Variants in CNTN4 observed in about 807,000 individuals in gnomAD.
CNTN4 encodes contactin-4.
In CNTN4, 77 loss-of-function variants were observed where a neutral mutation model predicts 122.5. The ratio of observed to expected loss-of-function variants is 0.63; its 90% confidence interval spans 0.52 to 0.76. CNTN4 has a LOEUF of 0.76. CNTN4 is among the 30% of genes least tolerant of loss of function. The pLI, the probability that CNTN4 is intolerant of heterozygous loss-of-function variation, is 0.00. For synonymous variants in CNTN4, 512 were observed against 447.0 expected (o/e 1.15, Z -1.83); for missense variants, 1,256 against 1,259.1 (o/e 1.00, Z 0.04).
intron 3 of CNTN4, among the ~76,000 whole-genome samples, chr3:2,526,636 T>C (rs1286387135): frequency 6.6e-6 from 1 of 152,162 alleles, no homozygotes; most frequent in African/African-American, 2.4e-5. Context: ...AAACCAATCA[T>C]GTACTTTTTT....
intron 6 of CNTN4, among the ~76,000 whole-genome samples, chr3:2,774,294 A>G (rs1360084916): frequency 1.3e-5 from 2 of 151,578 alleles, no homozygotes; most frequent in African/African-American, 4.9e-5. Context: ...AAGAAAAGAT[A>G]TGTCAGCTGC....
At chr3:2,799,451 T>C (rs1335788710) in intron 6 of CNTN4, among the ~76,000 whole-genome samples, 6 of 152,170 alleles carry the variant, frequency 3.9e-5, no homozygotes, top group Non-Finnish European at 8.8e-5. Context: ...TCTTCTAGTA[T>C]TTTTACAGTT....
rs1044075953 is a variant in CNTN4, at chr3:2,951,321, A to G, written c.1358+25542A>G. 2.6e-5 allele frequency among the ~76,000 whole-genome samples: 4 copies of G among 152,176 alleles called. No individual in the cohort carries two copies. In the South Asian group the frequency reaches 8.3e-4, roughly 32 times the overall value. On this transcript the variant is annotated intron_variant, in intron 13 of 24. Coordinates refer to ENST00000418658, the MANE Select transcript of CNTN4 (RefSeq NM_175607.3). The stretch of plus-strand genomic sequence containing the variant: ...TCAGATTATCAGGCATTAGATTCTC[A>G]TAAGGGGCATGCAACCTCTAGATCC...
At chr3:2,959,778 A>G (rs1445330619) in intron 13 of CNTN4, among the ~76,000 whole-genome samples, 3 of 152,144 alleles carry the variant, frequency 2.0e-5, no homozygotes, top group Non-Finnish European at 4.4e-5. Context: ...TTTAGCACCT[A>G]TTAAGTTTTT....
At chr3:2,746,032 CCA>C (rs58268583) in intron 6 of CNTN4, among the ~76,000 whole-genome samples, 15 of 149,434 alleles carry the variant, frequency 1.0e-4, no homozygotes, top group East Asian at 2.0e-4. Context: ...CCACACACAC[CCA>C]CACACACACA....
At chr3:2,835,575 A>G (rs1450107421) in intron 7 of CNTN4, among the ~76,000 whole-genome samples, 2 of 152,190 alleles carry the variant, frequency 1.3e-5, no homozygotes, top group African/African-American at 2.4e-5. Context: ...GCAATTAAAT[A>G]AGAAATTAGT....
chr3:2,705,691 A>C (rs1182102264), intron 4 of CNTN4, among the ~76,000 whole-genome samples: 1 of 94,986 alleles, frequency 1.1e-5, no homozygotes, highest in Non-Finnish European at 1.8e-5. Context: ...TTATATATAA[A>C]TAAATATATA....
intron 2 of CNTN4, among the ~76,000 whole-genome samples, chr3:2,171,267 A>G (rs937035938): frequency 1.3e-5 from 2 of 152,194 alleles, no homozygotes; most frequent in African/African-American, 4.8e-5. Context: ...TTAAATAATG[A>G]TAAGGTGGGT....
chr3:2,510,907 C>G (rs922143064), intron 3 of CNTN4, among the ~76,000 whole-genome samples: 2 of 152,014 alleles, frequency 1.3e-5, no homozygotes, highest in Admixed American at 1.3e-4. Context: ...CTAGATGTCC[C>G]AAGTGTGCCA....
intron 7 of CNTN4, among the ~76,000 whole-genome samples, chr3:2,849,978 A>G (rs1341574191): frequency 6.6e-6 from 1 of 150,376 alleles, no homozygotes; most frequent in Admixed American, 6.7e-5. Flanking sequence ...GGAAAATGTT[A>G]GCAATCACTT....
chr3:2,956,417 A>T (rs1289161810), intron 13 of CNTN4, among the ~76,000 whole-genome samples: 2 of 152,152 alleles, frequency 1.3e-5, no homozygotes, highest in Non-Finnish European at 2.9e-5. Context: ...TCAACACTTA[A>T]AAATAATTAA....
intron 4 of CNTN4, among the ~76,000 whole-genome samples, chr3:2,624,093 G>T (rs1000440510): frequency 1.3e-5 from 2 of 152,062 alleles, no homozygotes; most frequent in Non-Finnish European, 2.9e-5. Flanking sequence ...AATTTCAGTA[G>T]CTATTACATT....
At chr3:2,558,706 T>C (rs755804630) in intron 3 of CNTN4, among the ~76,000 whole-genome samples, 2 of 152,204 alleles carry the variant, frequency 1.3e-5, no homozygotes, top group East Asian at 3.8e-4. Flanking sequence ...TTCCTAAATA[T>C]GATATACTCA....
intron 5 of CNTN4, among the ~76,000 whole-genome samples, chr3:2,741,120 A>G (rs1381297521): frequency 6.6e-6 from 1 of 152,206 alleles, no homozygotes; most frequent in African/African-American, 2.4e-5. Context: ...AGCAGCTGCA[A>G]TGTACCAGTC....
intron 2 of CNTN4, among the ~76,000 whole-genome samples, chr3:2,320,761 A>G (rs1461022102): frequency 2.0e-5 from 3 of 152,160 alleles, no homozygotes; most frequent in African/African-American, 7.2e-5. Context: ...ATGCCAGTAC[A>G]TAGGAAAAAG....
intron 23 of CNTN4, among the ~76,000 whole-genome samples, chr3:3,052,303 A>C (rs1701347761): frequency 6.6e-6 from 1 of 152,154 alleles, no homozygotes; most frequent in South Asian, 2.1e-4. Context: ...ACTGTTCAGC[A>C]GCATCCCTGG....
chr3:2,652,889 T>G (rs2083429162), intron 4 of CNTN4, among the ~76,000 whole-genome samples: 1 of 152,188 alleles, frequency 6.6e-6, no homozygotes, highest in Non-Finnish European at 1.5e-5. Flanking sequence ...GGCTCCTATT[T>G]TATTCCTCTG....
chr3:2,247,997 C>T (rs923517118), intron 2 of CNTN4, among the ~76,000 whole-genome samples: 3 of 151,922 alleles, frequency 2.0e-5, no homozygotes, highest in Non-Finnish European at 2.9e-5. Context: ...TGCAGTCTCT[C>T]ATTCCTCCAT....
intron 2 of CNTN4, among the ~76,000 whole-genome samples, chr3:2,102,167 G>C (rs1178254301): frequency 6.6e-6 from 1 of 152,218 alleles, no homozygotes; most frequent in Non-Finnish European, 1.5e-5. Context: ...GTCAGGAAGT[G>C]AAGAATCCAA....
Sources: allele counts gnomAD v4.1 joint callset (sites outside exome capture counted in the v4.1 genomes callset), GRCh38; gene constraint gnomAD v4.1.1; transcripts MANE v1.5; gene names NCBI Gene and HGNC (gene_info 2026-07-23, HGNC 2026-07-21).